The following TBC1D19 variants were observed in gnomAD, a reference collection of about 807,000 sequenced individuals.
TBC1D19 encodes the protein TBC1 domain family, member 19.
In TBC1D19, 60 loss-of-function variants were observed where a neutral mutation model predicts 89.0. The observed-to-expected ratio is 0.67, with a 90% CI of 0.55 to 0.84. The LOEUF is 0.84. Among genes scored for constraint, TBC1D19 ranks in the 40% least tolerant of loss-of-function variants. The pLI, the probability that TBC1D19 is intolerant of heterozygous loss-of-function variation, is 0.00. For missense variants in TBC1D19, 500 were observed against 610.8 expected, an observed-to-expected ratio of 0.82 and a Z score of 1.91; for synonymous variants, 189 against 199.7, an observed-to-expected ratio of 0.95 and a Z score of 0.45.
At chr4:26,777,933 C>T in the TBC1D19 span, among the ~76,000 whole-genome samples, 136 of 151,978 alleles carry the variant, frequency 8.9e-4, no homozygotes, top group African/African-American at 3.0e-3. Context: ...ATTAACAGGG[C>T]GTGGCGGTAC....
At chr4:26,705,588 G>A (rs774025043) in intron 13 of TBC1D19, among the ~76,000 whole-genome samples, 1 of 152,030 alleles carries the variant, frequency 6.6e-6, no homozygotes, top group Non-Finnish European at 1.5e-5. Flanking sequence ...ACAAACCCTT[G>A]TTGTAAATCA....
the TBC1D19 span, among the ~76,000 whole-genome samples, chr4:26,789,949 T>C: frequency 6.6e-6 from 1 of 152,184 alleles, no homozygotes; most frequent in Non-Finnish European, 1.5e-5. Context: ...AAAATTTAAA[T>C]ATTGCATGTT....
rs1194634694 is a variant in TBC1D19, at chr4:26,755,505, T to A, written c.*558T>A. On this transcript the variant is annotated 3_prime_UTR_variant, in exon 21 of 21. Coordinates refer to ENST00000264866, the MANE Select transcript of TBC1D19 (RefSeq NM_018317.4). ...TTTACACCCCAGGGATTTTCTACATTTCTCTCCATTTTATTTCTCTCTTTA... is the reference window on the plus strand; with the variant it reads ...TTTACACCCCAGGGATTTTCTACATATCTCTCCATTTTATTTCTCTCTTTA... Among the ~76,000 whole-genome samples the A allele has an allele frequency of 6.6e-6, 1 of 152,164 alleles. No individual in the cohort carries two copies. The highest frequency in any genetic ancestry group is 1.5e-5 in the Non-Finnish European group (1 of 68,012).
chr4:26,729,134 G>C (rs1577992641), intron 15 of TBC1D19, among the ~76,000 whole-genome samples: 1 of 152,172 alleles, frequency 6.6e-6, no homozygotes, highest in South Asian at 2.1e-4. Context: ...TCTAATTTTA[G>C]AGTTAGATAA....
chr4:26,589,731 G>T (rs111239833), intron 1 of TBC1D19, among the ~76,000 whole-genome samples: 2 of 152,130 alleles, frequency 1.3e-5, no homozygotes, highest in African/African-American at 4.8e-5. Flanking sequence ...TTTCCTATGA[G>T]GTTGAGGGTT....
the TBC1D19 span, among the ~76,000 whole-genome samples, chr4:26,807,043 T>G: frequency 6.6e-5 from 10 of 151,908 alleles, no homozygotes; most frequent in African/African-American, 2.2e-4. Flanking sequence ...AGAGAGTGAG[T>G]GAGTGAATAA....
chr4:26,754,873 G>T lies in TBC1D19; in HGVS notation c.1507G>T (p.Ala503Ser). 2 of 1,589,238 alleles carry T rather than the reference G, an allele frequency of 1.3e-6. No individual in the cohort carries two copies. Among genetic ancestry groups the T allele is most frequent in the Non-Finnish European group, 1.7e-6 (2 of 1,172,032 alleles). ...TAATTCTTTTTATTTTTTGTTTCAG[G>T]CAGTTCTTGCTGACCTTTCTACTTT... ...MEVTSLAAAE[A>S]VLADLSTLKV... The change falls in exon 21 of 21, where the codon GCA (alanine) becomes TCA (serine). Residue 503 changes from alanine (A) to serine (S), a missense_variant and splice_region_variant. Around this residue, in one of 2 missense-constraint regions of TBC1D19, gnomAD observed 220 missense variants for 319.1 expected, o/e 0.69. Transcript: ENST00000264866.
chr4:26,624,638 G>A (rs1375370174), intron 4 of TBC1D19, among the ~76,000 whole-genome samples: 1 of 152,084 alleles, frequency 6.6e-6, no homozygotes, highest in Non-Finnish European at 1.5e-5. Flanking sequence ...CAGGAGCTTA[G>A]TAACTTTATG....
In TBC1D19 at chr4:26,756,046, A is replaced by C. The variant is rs1370010079; in HGVS notation, c.*1099A>C. ...CTTCACTAAAACTGTAAATCAGTAG[A>C]TTGATACGCTTATTGATTGCCTAGA... On this transcript the variant is annotated 3_prime_UTR_variant, in exon 21 of 21. Transcript: ENST00000264866. Among the ~76,000 whole-genome samples, 2 of 152,238 alleles carry C rather than the reference A, an allele frequency of 1.3e-5. No homozygotes were observed. Among genetic ancestry groups the C allele is most frequent in the African/African-American group, 4.8e-5 (2 of 41,466 alleles).
chr4:26,753,092 G>A (rs1315784956), intron 19 of TBC1D19, among the ~76,000 whole-genome samples: 1 of 152,102 alleles, frequency 6.6e-6, no homozygotes, highest in Non-Finnish European at 1.5e-5. Flanking sequence ...TCCCACAGCA[G>A]CCCTCCCTAC....
At chr4:26,800,346 T>C in the TBC1D19 span, among the ~76,000 whole-genome samples, 1 of 152,382 alleles carries the variant, frequency 6.6e-6, no homozygotes, top group African/African-American at 2.4e-5. Flanking sequence ...CATCATTTTT[T>C]ATGGCTGCAT....
chr4:26,723,940 G>A (rs1717138379), intron 15 of TBC1D19, among the ~76,000 whole-genome samples: 1 of 152,196 alleles, frequency 6.6e-6, no homozygotes, highest in Non-Finnish European at 1.5e-5. Context: ...ACAATGAAAG[G>A]GAGCAGAAAT....
chr4:26,693,481 C>A (rs553169434), intron 13 of TBC1D19, among the ~76,000 whole-genome samples: 1 of 152,172 alleles, frequency 6.6e-6, no homozygotes, highest in Non-Finnish European at 1.5e-5. Context: ...ATCGCTTGAG[C>A]CCAGGAATTT....
At chr4:26,582,814 A>G (rs1048200828), upstream of TBC1D19, among the ~76,000 whole-genome samples, 5 of 152,098 alleles carry the variant, frequency 3.3e-5, no homozygotes, top group Non-Finnish European at 7.4e-5. Context: ...ATTTGTACTT[A>G]TCATCCCAGT....
At chr4:26,758,680 G>A (rs1190397114), downstream of TBC1D19, among the ~76,000 whole-genome samples, 1 of 152,182 alleles carries the variant, frequency 6.6e-6, no homozygotes, top group African/African-American at 2.4e-5. Flanking sequence ...AGGAAAAGCT[G>A]CTCTTTTGGC....
At chr4:26,698,717 C>T (rs1323086627) in intron 13 of TBC1D19, among the ~76,000 whole-genome samples, 1 of 152,148 alleles carries the variant, frequency 6.6e-6, no homozygotes, top group Non-Finnish European at 1.5e-5. Flanking sequence ...TACACATTTA[C>T]AACCATCTGA....
At chr4:26,721,809 C>T (rs759189530) in intron 15 of TBC1D19, among the ~76,000 whole-genome samples, 44 of 152,146 alleles carry the variant, frequency 2.9e-4, no homozygotes, top group Non-Finnish European at 2.1e-4. Context: ...ATACCCACAG[C>T]TACATACTCT....
At chr4:26,578,981 C>T (rs1242572804) in intron 1 of TBC1D19, among the ~76,000 whole-genome samples, 3 of 152,152 alleles carry the variant, frequency 2.0e-5, no homozygotes, top group African/African-American at 7.2e-5. Context: ...TATTCTGCTC[C>T]TGTCATGTAA....
chr4:26,720,463 A>G (rs530617827), intron 15 of TBC1D19, among the ~76,000 whole-genome samples: 2 of 152,200 alleles, frequency 1.3e-5, no homozygotes, highest in East Asian at 1.9e-4. Context: ...GCTTTACTCA[A>G]TTGAGTGGAT....
Sources: gnomAD v4.1 joint callset for allele counts (sites outside exome capture counted in the v4.1 genomes callset) on GRCh38, gnomAD v4.1.1 for gene constraint, gnomAD v4.1.1 regional missense constraint, MANE v1.5 for transcripts, NCBI Gene and HGNC (gene_info 2026-07-23, HGNC 2026-07-21) for gene names.